Variants in PARVA observed in about 807,000 individuals in gnomAD.
PARVA encodes alpha-parvin.
PARVA carries 25 observed loss-of-function variants against 52.6 expected under a neutral mutation model. The ratio of observed to expected loss-of-function variants is 0.48; its 90% CI spans 0.35 to 0.66. PARVA has a LOEUF of 0.66. Ranked by LOEUF, PARVA falls within the 30% of genes least tolerant of loss-of-function variation. The pLI, the probability that PARVA is intolerant of heterozygous loss-of-function variation, is 0.01. For missense variants in PARVA, 373 were observed against 450.9 expected, an observed-to-expected ratio of 0.83 and a Z score of 1.56; for synonymous variants, 185 against 179.1, an observed-to-expected ratio of 1.03 and a Z score of -0.26.
chr11:12,448,868 C>T (rs1339049592), intron 1 of PARVA, among the ~76,000 whole-genome samples: 1 of 152,210 alleles, frequency 6.6e-6, no homozygotes, highest in Admixed American at 6.5e-5. Context: ...CAATGTTCTC[C>T]AAGTTCTTCA....
intron 4 of PARVA, among the ~76,000 whole-genome samples, chr11:12,491,199 G>C (rs1941229968): frequency 6.6e-6 from 1 of 152,142 alleles, no homozygotes; most frequent in African/African-American, 2.4e-5. Context: ...GTCTTGCTCT[G>C]TTACCCAGGC....
rs142565507 is a variant in PARVA at position 12,495,405 on chromosome 11, A to G, written c.401-1053A>G. 1.9e-3 allele frequency among the ~76,000 whole-genome samples: 297 copies of G among 152,386 alleles called. 1 individual carries two copies. Among genetic ancestry groups the G allele is most frequent in the African/African-American group, 6.8e-3 (283 of 41,596 alleles). On this transcript the variant is annotated intron_variant, in intron 4 of 12. Coordinates refer to ENST00000334956, the MANE Select transcript of PARVA (RefSeq NM_018222.5). ...TAAGCATTAGGGAAAATATTGATAC[A>G]TAGTAAAATTTAACTTGTATAGCAG...
At chr11:12,512,722 C>T (rs539179330) in intron 8 of PARVA, among the ~76,000 whole-genome samples, 2 of 152,336 alleles carry the variant, frequency 1.3e-5, no homozygotes, top group African/African-American at 4.8e-5. Flanking sequence ...ATCCTCATGA[C>T]AAACCTGAGG....
intron 10 of PARVA, among the ~76,000 whole-genome samples, chr11:12,514,852 C>G (rs1459446064): frequency 6.6e-6 from 1 of 152,234 alleles, no homozygotes; most frequent in Non-Finnish European, 1.5e-5. Flanking sequence ...TCAGATTTTG[C>G]CAGTTGTCCA....
At position 12,377,744 on chromosome 11, in the gene PARVA, C is replaced by G. The variant is rs747384550; in HGVS notation, c.97C>G (p.Leu33Val). Reference protein sequence around the residue: ...RKKDDSFLGKLGGTLARRKKA... With the variant: ...RKKDDSFLGKVGGTLARRKKA... ...GAAAGATGATTCCTTCTTGGGGAAACTCGGAGGGACCCTGGCCCGGAGGAA... is the reference window on the plus strand; with the variant it reads ...GAAAGATGATTCCTTCTTGGGGAAAGTCGGAGGGACCCTGGCCCGGAGGAA... Residue 33 changes from leucine (L) to valine (V), a missense_variant, in exon 1 of 13, where the codon CTC (leucine) becomes GTC (valine). Coordinates refer to ENST00000334956, the MANE Select transcript of PARVA (RefSeq NM_018222.5). The G allele has an allele frequency of 6.4e-7, 1 of 1,551,236 alleles. No individual in the cohort carries two copies. The highest frequency in any genetic ancestry group is 8.7e-7 in the Non-Finnish European group (1 of 1,154,040).
At chr11:12,481,211 G>T (rs1240549487) in intron 4 of PARVA, among the ~76,000 whole-genome samples, 2 of 152,092 alleles carry the variant, frequency 1.3e-5, no homozygotes, top group Admixed American at 6.5e-5. Context: ...AGCAGAGATG[G>T]TCTCTTCTCT....
In PARVA at chr11:12,513,990, C is replaced by T. The variant is rs780817736; in HGVS notation, c.799-7C>T. 1 of 1,613,384 alleles carries T rather than the reference C, an allele frequency of 6.2e-7. No individual in the cohort carries two copies. The highest frequency in any genetic ancestry group is 2.2e-5 in the East Asian group (1 of 44,878). ...CCAGCTTAGGGCCTGCTTTGCTTCT[C>T]TTTTAGACACTCATCACTTTCGTGA... is the stretch of plus-strand genomic sequence containing the variant. On this transcript the variant is annotated splice_region_variant and splice_polypyrimidine_tract_variant and intron_variant, in intron 9 of 12. Coordinates refer to ENST00000334956, the MANE Select transcript of PARVA (RefSeq NM_018222.5).
chr11:12,403,833 A>G (rs1194848551), intron 1 of PARVA, among the ~76,000 whole-genome samples: 1 of 152,170 alleles, frequency 6.6e-6, no homozygotes, highest in Non-Finnish European at 1.5e-5. Context: ...CTCTAGTTAC[A>G]CCTTGCACCT....
chr11:12,495,109 C>T (rs906123577), intron 4 of PARVA, among the ~76,000 whole-genome samples: 8 of 152,212 alleles, frequency 5.3e-5, no homozygotes, highest in African/African-American at 1.9e-4. Context: ...AAGGCACACA[C>T]AAGGTCTCTT....
chr11:12,476,349 C>G (rs1422964066), intron 3 of PARVA, among the ~76,000 whole-genome samples: 1 of 152,076 alleles, frequency 6.6e-6, no homozygotes, highest in Admixed American at 6.6e-5. Context: ...TTCTTAGGAG[C>G]TGGGCACAGT....
At chr11:12,399,046 G>GC (rs563010754) in intron 1 of PARVA, among the ~76,000 whole-genome samples, 1 of 152,206 alleles carries the variant, frequency 6.6e-6, no homozygotes, top group African/African-American at 2.4e-5. Context: ...GAGAGGTTGA[G>GC]CAACTAGCCC....
intron 1 of PARVA, among the ~76,000 whole-genome samples, chr11:12,396,276 C>T (rs79100906): frequency 0.089 from 13,496 of 152,182 alleles, 729 homozygotes; most frequent in African/African-American, 0.14. Flanking sequence ...TTTCATTCAT[C>T]AATAATAATT....
chr11:12,378,616 TA>T (rs1939441088), intron 1 of PARVA, among the ~76,000 whole-genome samples: 1 of 147,954 alleles, frequency 6.8e-6, no homozygotes, highest in Non-Finnish European at 1.5e-5. Flanking sequence ...GCATGTAAAA[TA>T]TTTTTTTTTC....
chr11:12,481,802 A>C (rs1437837529), intron 4 of PARVA, among the ~76,000 whole-genome samples: 1 of 152,124 alleles, frequency 6.6e-6, no homozygotes, highest in Non-Finnish European at 1.5e-5. Flanking sequence ...ACTATGAAAC[A>C]CTAGCACTTA....
intron 4 of PARVA, among the ~76,000 whole-genome samples, chr11:12,488,249 A>G (rs536420570): frequency 6.6e-6 from 1 of 152,328 alleles, no homozygotes; most frequent in South Asian, 2.1e-4. Flanking sequence ...ATATGATAAG[A>G]AAATAGATTT....
At chr11:12,483,851 T>C (rs1941122072) in intron 4 of PARVA, among the ~76,000 whole-genome samples, 1 of 152,206 alleles carries the variant, frequency 6.6e-6, no homozygotes, top group Non-Finnish European at 1.5e-5. Context: ...CATCCTCTCA[T>C]GGGAGCAGCC....
intron 8 of PARVA, chr11:12,513,083 A>C: frequency 1.5e-6 from 1 of 684,258 alleles, no homozygotes; most frequent in South Asian, 1.5e-5. Context: ...TAATGTACAC[A>C]TGCACGGACA....
intron 1 of PARVA, among the ~76,000 whole-genome samples, chr11:12,454,485 G>A (rs1035726430): frequency 2.0e-5 from 3 of 151,616 alleles, no homozygotes; most frequent in Non-Finnish European, 4.4e-5. Flanking sequence ...AGTCTGAAAA[G>A]CTTCTTGCTT....
chr11:12,450,729 C>A (rs1940611717), intron 1 of PARVA, among the ~76,000 whole-genome samples: 1 of 152,308 alleles, frequency 6.6e-6, no homozygotes, highest in African/African-American at 2.4e-5. Flanking sequence ...GAGCCCCTGG[C>A]AAACCACTCG....
Sources: allele counts gnomAD v4.1 joint callset (sites outside exome capture counted in the v4.1 genomes callset), GRCh38; gene constraint gnomAD v4.1.1; transcripts MANE v1.5; gene names NCBI Gene and HGNC (gene_info 2026-07-23, HGNC 2026-07-21).